The following XKR9 variants were observed in gnomAD, a reference collection of about 807,000 sequenced individuals.
XKR9 encodes XK-related protein 9.
A neutral mutation model predicts 32.0 loss-of-function variants in XKR9; 32 were observed. The observed-to-expected ratio is 1.00, with a 90% CI of 0.76 to 1.34. XKR9 has a LOEUF of 1.34. XKR9 is among the 40% of genes most tolerant of loss of function. The pLI is 0.00. For synonymous variants in XKR9, 168 were observed against 143.4 expected (o/e 1.17, Z -1.22); for missense variants, 546 against 429.7 (o/e 1.27, Z -2.39).
At chr8:70,934,033 A>AG in the XKR9 span, among the ~76,000 whole-genome samples, 5,358 of 152,142 alleles carry the variant, frequency 0.035, 285 homozygotes, top group African/African-American at 0.12. Flanking sequence ...TAAAAAGTGA[A>AG]GGGGAAAAAG....
At chr8:71,017,774 A>G in the XKR9 span, among the ~76,000 whole-genome samples, 1 of 152,204 alleles carries the variant, frequency 6.6e-6, no homozygotes, top group Non-Finnish European at 1.5e-5. Flanking sequence ...TCAGAAGAGC[A>G]AATTCATTTG....
the XKR9 span, among the ~76,000 whole-genome samples, chr8:70,858,455 T>G: frequency 3.2e-4 from 49 of 151,410 alleles, no homozygotes; most frequent in Admixed American, 1.8e-3. Context: ...CACCACTCAA[T>G]GAAATAAAAG....
the XKR9 span, among the ~76,000 whole-genome samples, chr8:70,875,328 A>G: frequency 6.6e-6 from 1 of 152,194 alleles, no homozygotes; most frequent in East Asian, 1.9e-4. Flanking sequence ...TATGCTGTTT[A>G]GGCACATGAC....
At chr8:70,722,641 T>G (rs1405076565) in intron 4 of XKR9, among the ~76,000 whole-genome samples, 1 of 152,212 alleles carries the variant, frequency 6.6e-6, no homozygotes, top group Non-Finnish European at 1.5e-5. Context: ...TGTTCTGGCT[T>G]GTAGGGTTTC....
At chr8:70,812,018 T>C in the XKR9 span, among the ~76,000 whole-genome samples, 2 of 152,108 alleles carry the variant, frequency 1.3e-5, no homozygotes, top group African/African-American at 4.8e-5. Context: ...ATATCCTTGA[T>C]GAACATTGAT....
chr8:70,718,566 G>T (rs1343790751), intron 4 of XKR9, among the ~76,000 whole-genome samples: 1 of 152,122 alleles, frequency 6.6e-6, no homozygotes, highest in Non-Finnish European at 1.5e-5. Context: ...GTGAGAACAT[G>T]CAGTGTTTGG....
At chr8:70,686,500 G>T (rs942734151) in intron 3 of XKR9, among the ~76,000 whole-genome samples, 3 of 151,624 alleles carry the variant, frequency 2.0e-5, no homozygotes, top group African/African-American at 4.8e-5. Flanking sequence ...CTGGAGTGCA[G>T]TGGCCCGATA....
the XKR9 span, among the ~76,000 whole-genome samples, chr8:70,893,025 G>GT: frequency 2.0e-5 from 3 of 151,746 alleles, no homozygotes; most frequent in African/African-American, 7.3e-5. Flanking sequence ...TTTTCTTCAT[G>GT]TTTTTTTCAT....
In XKR9 at chr8:70,782,273, T is replaced by G. The variant is rs533410555; in HGVS notation, n.353-7066T>G. Among the ~76,000 whole-genome samples, 6 of 152,334 alleles carry G rather than the reference T, an allele frequency of 3.9e-5. No homozygotes were observed. In the East Asian group the frequency reaches 1.2e-3, roughly 29 times the overall value. ...GTGTGCATTTTATTTTTATTTTTTA[T>G]TGTAAATTGACAATTTATAATCGTA... On this transcript the variant is annotated intron_variant and non_coding_transcript_variant, in intron 2 of 3. Transcript: ENST00000520273.
chr8:70,899,181 G>T, the XKR9 span, among the ~76,000 whole-genome samples: 1 of 152,040 alleles, frequency 6.6e-6, no homozygotes, highest in Non-Finnish European at 1.5e-5. Context: ...TTTGTCTTCG[G>T]TGTAAGGCAT....
chr8:70,696,118 C>T (rs1805266148), intron 3 of XKR9, among the ~76,000 whole-genome samples: 1 of 150,484 alleles, frequency 6.6e-6, no homozygotes, highest in South Asian at 2.2e-4. Context: ...AAAATTTTCT[C>T]CCATTTTGTA....
At chr8:70,722,560 T>G (rs984239459) in intron 4 of XKR9, among the ~76,000 whole-genome samples, 2 of 152,284 alleles carry the variant, frequency 1.3e-5, no homozygotes, top group South Asian at 4.1e-4. Context: ...TTATGAAACT[T>G]AGTTTGGCTG....
At chr8:70,887,015 G>T in the XKR9 span, among the ~76,000 whole-genome samples, 4 of 152,024 alleles carry the variant, frequency 2.6e-5, no homozygotes, top group African/African-American at 4.8e-5. Flanking sequence ...TGTTCTGAAT[G>T]GTGTCGCCTA....
chr8:70,934,452 G>A, the XKR9 span, among the ~76,000 whole-genome samples: 1 of 151,936 alleles, frequency 6.6e-6, no homozygotes, highest in African/African-American at 2.4e-5. Context: ...GTAGGATTTG[G>A]GACAATAAAT....
the XKR9 span, among the ~76,000 whole-genome samples, chr8:71,061,890 A>G: frequency 6.6e-6 from 1 of 151,854 alleles, no homozygotes; most frequent in African/African-American, 2.4e-5. Context: ...AATGTAAAGA[A>G]CTCTTATAGT....
At chr8:70,814,756 G>T in the XKR9 span, among the ~76,000 whole-genome samples, 3 of 152,142 alleles carry the variant, frequency 2.0e-5, no homozygotes, top group African/African-American at 7.2e-5. Flanking sequence ...GAGCAATCTG[G>T]CAAAAGAAAG....
At chr8:70,883,461 A>G in the XKR9 span, among the ~76,000 whole-genome samples, 4 of 152,064 alleles carry the variant, frequency 2.6e-5, no homozygotes, top group Admixed American at 2.0e-4. Flanking sequence ...TGTCTTCTTC[A>G]TATAATGACT....
chr8:70,749,380 G>A (rs994301174), intron 2 of XKR9, among the ~76,000 whole-genome samples: 1 of 150,548 alleles, frequency 6.6e-6, no homozygotes, highest in African/African-American at 2.5e-5. Context: ...CCAGGGCTGT[G>A]AACATACTGT....
intron 2 of XKR9, among the ~76,000 whole-genome samples, chr8:70,763,083 A>G (rs1807329105): frequency 1.3e-5 from 2 of 152,218 alleles, no homozygotes; most frequent in Non-Finnish European, 2.9e-5. Flanking sequence ...TACCATTTAT[A>G]TGATCTAAAC....
Sources: gnomAD v4.1 joint callset for allele counts (sites outside exome capture counted in the v4.1 genomes callset) on GRCh38, gnomAD v4.1.1 for gene constraint, MANE v1.5 for transcripts, NCBI Gene and HGNC (gene_info 2026-07-23, HGNC 2026-07-21) for gene names.